The following MGAT4A variants were observed in gnomAD, a reference collection of about 807,000 sequenced individuals.
MGAT4A encodes N-acetylglucosaminyltransferase IVa.
In MGAT4A, 33 loss-of-function variants were observed where a neutral mutation model predicts 74.1. The ratio of observed to expected loss-of-function variants is 0.45; its 90% confidence interval spans 0.34 to 0.60. The LOEUF is 0.60. Ranked by LOEUF, MGAT4A falls within the 20% of genes least tolerant of loss-of-function variation. The pLI, the probability that MGAT4A is intolerant of heterozygous loss-of-function variation, is 0.02. For missense variants in MGAT4A, 479 were observed against 628.3 expected (o/e 0.76, Z 2.54); for synonymous variants, 198 against 210.4 (o/e 0.94, Z 0.51).
At chr2:98,654,276 A>G (rs149993677) in intron 8 of MGAT4A, among the ~76,000 whole-genome samples, 6 of 152,278 alleles carry the variant, frequency 3.9e-5, no homozygotes, top group African/African-American at 1.2e-4. Context: ...CACTTTCACC[A>G]CTACTAGTCA....
At chr2:98,638,052 T>C (rs1286724736) in intron 12 of MGAT4A, among the ~76,000 whole-genome samples, 1 of 152,216 alleles carries the variant, frequency 6.6e-6, no homozygotes, top group Admixed American at 6.5e-5. Flanking sequence ...GTCTCAGTTT[T>C]ACTTCCTACA....
chr2:98,711,262 G>GAA (rs60628182), intron 2 of MGAT4A, among the ~76,000 whole-genome samples: 1,563 of 110,272 alleles, frequency 0.014, 14 homozygotes, highest in Middle Eastern at 0.038. Context: ...AGTTAATTTG[G>GAA]AAAAAAAAAA....
At chr2:98,637,884 A>G (rs1701346899) in intron 12 of MGAT4A, among the ~76,000 whole-genome samples, 1 of 152,212 alleles carries the variant, frequency 6.6e-6, no homozygotes, top group African/African-American at 2.4e-5. Context: ...CAGTATGGTT[A>G]CGATACAGTT....
At chr2:98,700,554 C>G (rs1702340823) in intron 2 of MGAT4A, among the ~76,000 whole-genome samples, 5 of 151,910 alleles carry the variant, frequency 3.3e-5, no homozygotes, top group African/African-American at 4.8e-5. Context: ...CAAATCAAAA[C>G]CAATTAACTT....
chr2:98,716,147 T>C (rs145442319), intron 2 of MGAT4A, among the ~76,000 whole-genome samples: 342 of 152,120 alleles, frequency 2.2e-3, no homozygotes, highest in Non-Finnish European at 4.0e-3. Flanking sequence ...AGTGAGACCC[T>C]GTCTCTACAA....
chr2:98,722,948 G>T (rs531315729), intron 2 of MGAT4A, among the ~76,000 whole-genome samples: 1 of 152,104 alleles, frequency 6.6e-6, no homozygotes, highest in Admixed American at 6.6e-5. Context: ...AGACAGACAC[G>T]TAACTACTCC....
intron 9 of MGAT4A, among the ~76,000 whole-genome samples, chr2:98,644,576 T>A (rs1022922749): frequency 2.6e-5 from 4 of 152,162 alleles, no homozygotes; most frequent in African/African-American, 9.7e-5. Context: ...GATGAAATGT[T>A]AACCTCTCAA....
At chr2:98,700,944 TTAAAAA>T (rs1702348575) in intron 2 of MGAT4A, among the ~76,000 whole-genome samples, 1 of 151,786 alleles carries the variant, frequency 6.6e-6, no homozygotes, top group Non-Finnish European at 1.5e-5. Flanking sequence ...ATGCATTTTA[TTAAAAA>T]TAATTGTTTT....
intron 2 of MGAT4A, among the ~76,000 whole-genome samples, chr2:98,680,040 C>CTTTTTTTTT (rs778595164): frequency 1.1e-4 from 15 of 131,050 alleles, no homozygotes; most frequent in Non-Finnish European, 1.8e-4. Context: ...CTTAGAAAGG[C>CTTTTTTTTT]TTTTTTTTTT....
At chr2:98,651,506 T>C (rs182484829) in intron 8 of MGAT4A, among the ~76,000 whole-genome samples, 6 of 152,314 alleles carry the variant, frequency 3.9e-5, no homozygotes, top group Admixed American at 1.3e-4. Flanking sequence ...TAGACTGTTA[T>C]AACTTTAAGA....
chr2:98,655,605 T>G (rs1363819200), intron 7 of MGAT4A, 85 bp from the exon 8 acceptor site: 5 of 838,892 alleles, frequency 6.0e-6, no homozygotes, highest in Non-Finnish European at 9.6e-6. Flanking sequence ...GTCAAATGTC[T>G]ACATAACATG....
chr2:98,622,419 G>A lies in MGAT4A; in HGVS notation c.*3147C>T. The stretch of plus-strand genomic sequence containing the variant: ...GTTTTTATTTAAACAGCCCCCATGT[G>A]TCTACTGGCTATATGTGTTTTTAAA... On this transcript the variant is annotated 3_prime_UTR_variant, in exon 16 of 16. Coordinates refer to ENST00000393487, the MANE Select transcript of MGAT4A (RefSeq NM_012214.3). The A allele has an allele frequency of 1.0e-6, 1 of 985,304 alleles. No individual in the cohort carries two copies. Among genetic ancestry groups the A allele is most frequent in the Non-Finnish European group, 1.2e-6 (1 of 829,806 alleles). 61.0% of individuals were successfully genotyped at this position (985,304 alleles called of 1,614,324 possible).
At chr2:98,646,280 G>A (rs1701484186) in intron 8 of MGAT4A, among the ~76,000 whole-genome samples, 1 of 151,818 alleles carries the variant, frequency 6.6e-6, no homozygotes, top group South Asian at 2.1e-4. Flanking sequence ...CAATAGCAAT[G>A]AGCACCTTTA....
intron 13 of MGAT4A, among the ~76,000 whole-genome samples, chr2:98,636,103 G>T (rs139473304): frequency 6.6e-6 from 1 of 150,864 alleles, no homozygotes; most frequent in Non-Finnish European, 1.5e-5. Context: ...AGTGATTCTC[G>T]TGCCTCAGCC....
At chr2:98,637,840 A>G (rs1701345948) in intron 12 of MGAT4A, among the ~76,000 whole-genome samples, 1 of 152,176 alleles carries the variant, frequency 6.6e-6, no homozygotes, top group Non-Finnish European at 1.5e-5. Flanking sequence ...ACTGACAAAA[A>G]GTCCCCCGCA....
chr2:98,708,857 A>C (rs1702476255), intron 2 of MGAT4A, among the ~76,000 whole-genome samples: 1 of 152,252 alleles, frequency 6.6e-6, no homozygotes, highest in Admixed American at 6.5e-5. Flanking sequence ...AATACTAGCT[A>C]AGAAGATACA....
Position 98,623,473 on chromosome 2 carries a change from C to A in MGAT4A, c.*2093G>T, listed in dbSNP as rs532459323. On this transcript the variant is annotated 3_prime_UTR_variant, in exon 16 of 16. Coordinates refer to ENST00000393487, the MANE Select transcript of MGAT4A (RefSeq NM_012214.3). Reference sequence around the variant, plus strand: ...TACTTCTGGTACTCAGTTATCTTTGCAGTAATTTAGTATACCAAGCTGGTG... The same window carrying A: ...TACTTCTGGTACTCAGTTATCTTTGAAGTAATTTAGTATACCAAGCTGGTG... 3 of 985,372 alleles carry A rather than the reference C, an allele frequency of 3.0e-6. No individual in the cohort carries two copies. In the East Asian group the frequency reaches 3.4e-4, roughly 112 times the overall value. The allele number at this position is 985,372 out of a possible 1,614,324, so 61.0% of individuals were successfully genotyped here.
intron 8 of MGAT4A, among the ~76,000 whole-genome samples, chr2:98,646,190 A>G (rs911627629): frequency 3.3e-5 from 5 of 152,144 alleles, no homozygotes; most frequent in Non-Finnish European, 5.9e-5. Context: ...GGAACTATCA[A>G]TACAAACGTG....
intron 9 of MGAT4A, 25 bp downstream of exon 9, chr2:98,645,403 T>C: frequency 6.9e-6 from 10 of 1,451,056 alleles, no homozygotes; most frequent in Non-Finnish European, 9.3e-6. Flanking sequence ...TTATGAAAAG[T>C]AGGTAAGTGT....
Sources: allele counts gnomAD v4.1 joint callset (sites outside exome capture counted in the v4.1 genomes callset), GRCh38; gene constraint gnomAD v4.1.1; transcripts MANE v1.5; gene names NCBI Gene and HGNC (gene_info 2026-07-23, HGNC 2026-07-21).